DOT1L: variants seen among roughly 807,000 people sequenced by gnomAD.
DOT1L encodes the protein histone-lysine N-methyltransferase, H3 lysine-79 specific.
DOT1L carries 33 observed loss-of-function variants against 153.3 expected under a neutral mutation model. That is an observed-to-expected ratio of 0.22 (90% confidence interval 0.16 to 0.29). The LOEUF is 0.29. Among genes scored for constraint, DOT1L ranks in the 10% least tolerant of loss-of-function variants. DOT1L has a pLI of 1.00. For synonymous variants in DOT1L, 1,135 were observed against 965.1 expected (o/e 1.18, Z -3.26); for missense variants, 1,847 against 2,119.9 (o/e 0.87, Z 2.53).
chr19:2,178,959 A>G lies in DOT1L; in HGVS notation c.82-1754A>G, dbSNP rs559297887. ...TCACAGTACCCTGATCCGAACCAGG[A>G]GGTGGACGGAGCTGTGGCCTCAGTG... On this transcript the variant is annotated intron_variant, in intron 1 of 27. Transcript: ENST00000398665. 6.1e-4 allele frequency among the ~76,000 whole-genome samples: 93 copies of G among 152,286 alleles called. 1 individual carries two copies. The highest frequency in any genetic ancestry group is 2.1e-3 in the African/African-American group (87 of 41,562).
rs117292860 is a variant in DOT1L, at chr19:2,227,622, C to G, written c.4606+495C>G. On this transcript the variant is annotated intron_variant, in intron 27 of 27. Transcript: ENST00000398665. ...CGAGCCGCTGCTTGTGCTTGGTGCC[C>G]GCACACGCCTGGCGGCGCCGTTTCG... The G allele has an allele frequency of 2.6e-6, 3 of 1,146,552 alleles. No homozygotes were observed. In the African/African-American group the frequency reaches 5.1e-5, roughly 19 times the overall value. 71.0% of individuals were successfully genotyped at this position (1,146,552 alleles called of 1,614,324 possible). A position where few individuals can be genotyped will look rare whatever the true frequency, so the allele number is the denominator to read the frequency against.
Position 2,216,959 on chromosome 19 carries a change from G to C in DOT1L, c.2413G>C (p.Glu805Gln), listed in dbSNP as rs2023930075. 1 of 1,611,982 alleles carries C rather than the reference G, an allele frequency of 6.2e-7. No individual in the cohort carries two copies. The highest frequency in any genetic ancestry group is 1.1e-5 in the South Asian group (1 of 90,986). The stretch of plus-strand genomic sequence containing the variant: ...GACTGCAGCTTCTCATTCCAGAGCT[G>C]AGCACACCAAGGAGAACGGCCTTCC... ...PAASELHSRAEHTKENGLPYQ... is the reference protein window; with the variant it reads ...PAASELHSRAQHTKENGLPYQ... The change falls in exon 21 of 28, where the codon GAG becomes CAG. Residue 805 changes from glutamate to glutamine, a missense_variant. Around this residue, in one of 8 missense-constraint regions of DOT1L, gnomAD observed 281 missense variants for 263.6 expected, o/e 1.07. Transcript: ENST00000398665.
rs988864759 is a variant in DOT1L at position 2,226,223 on chromosome 19, G to T, written c.3702G>T (p.Glu1234Asp). The T allele has an allele frequency of 2.0e-6, 3 of 1,536,598 alleles. No individual in the cohort carries two copies. Among genetic ancestry groups the T allele is most frequent in the African/African-American group, 1.4e-5 (1 of 72,310 alleles). ...LAGRKPAPAG[E>D]PVNSSKWKST... Reference sequence around the variant, plus strand: ...GAAGGAAGCCCGCGCCCGCCGGCGAGCCAGTCAATAGCAGCAAGTGGAAGT... The same window carrying T: ...GAAGGAAGCCCGCGCCCGCCGGCGATCCAGTCAATAGCAGCAAGTGGAAGT... The change falls in exon 27 of 28, where the codon GAG becomes GAT. Residue 1234 changes from glutamate (E) to aspartate (D), a missense_variant. Glu to Asp is a conservative substitution (Grantham distance 45). Transcript: ENST00000398665.
At chr19:2,203,957 C>T (rs1296029230) in intron 9 of DOT1L, among the ~76,000 whole-genome samples, 1 of 152,232 alleles carries the variant, frequency 6.6e-6, no homozygotes, top group African/African-American at 2.4e-5. Context: ...CCCCACCTGT[C>T]CTCTCTAGGG....
At position 2,230,359 on chromosome 19, in the gene DOT1L, G is replaced by T. The variant is rs913162402; in HGVS notation, c.*567G>T. On this transcript the variant is annotated 3_prime_UTR_variant, in exon 28 of 28. Transcript: ENST00000398665. ...TGAGCCCCTTCCTGAGCGCCCTGGC[G>T]CCTGCCCTGAGCTCTTCACCTTTAC... The T allele has an allele frequency of 2.4e-6, 1 of 413,094 alleles. No homozygotes were observed. The highest frequency in any genetic ancestry group is 4.2e-6 in the Non-Finnish European group (1 of 235,460). The allele number at this position is 413,094 out of a possible 1,614,324, so 25.6% of individuals were successfully genotyped here. A position where few individuals can be genotyped will look rare whatever the true frequency, so the allele number is the denominator to read the frequency against.
At chr19:2,180,142 G>A (rs538276806) in intron 1 of DOT1L, among the ~76,000 whole-genome samples, 2 of 152,296 alleles carry the variant, frequency 1.3e-5, no homozygotes, top group East Asian at 1.9e-4. Flanking sequence ...TGGCGAGGCC[G>A]CCCACGTGGG....
chr19:2,173,462 A>G (rs1216014509), intron 1 of DOT1L, among the ~76,000 whole-genome samples: 1 of 152,200 alleles, frequency 6.6e-6, no homozygotes, highest in African/African-American at 2.4e-5. Flanking sequence ...GCTTCCTTAC[A>G]CAGCGGGCCT....
intron 27 of DOT1L, chr19:2,227,368 C>T: frequency 1.4e-6 from 1 of 720,568 alleles, no homozygotes; most frequent in East Asian, 2.7e-5. Context: ...TTCAGAAGGC[C>T]ACCGTGCGCA....
At position 2,178,379 on chromosome 19, in the gene DOT1L, A is replaced by C. The variant is rs924652163; in HGVS notation, c.82-2334A>C. Among the ~76,000 whole-genome samples the C allele has an allele frequency of 8.6e-5, 13 of 150,814 alleles. No individual in the cohort carries two copies. In the South Asian group the frequency reaches 2.5e-3, roughly 29 times the overall value. ...CCTTGTCTCTACCAGAAAAAAAAAA[A>C]AAACAAAAAATCTCCAAAACACACT... On this transcript the variant is annotated intron_variant, in intron 1 of 27. Coordinates refer to ENST00000398665, the MANE Select transcript of DOT1L (RefSeq NM_032482.3).
intron 3 of DOT1L, among the ~76,000 whole-genome samples, chr19:2,188,814 G>A (rs1394277147): frequency 1.3e-5 from 2 of 152,354 alleles, no homozygotes; most frequent in Middle Eastern, 3.4e-3. Context: ...AGACTGGACA[G>A]ACTAGGCCAG....
chr19:2,211,254 G>A (rs1290866054), intron 15 of DOT1L, 42 bp downstream of exon 15: 14 of 1,533,764 alleles, frequency 9.1e-6, no homozygotes, highest in Non-Finnish European at 1.2e-5. Flanking sequence ...TCTGGGCTTG[G>A]GGTCATCCCA....
At chr19:2,200,707 A>ACATTCCTCGTCCTCCCCG (rs1182290556) in intron 8 of DOT1L, among the ~76,000 whole-genome samples, 4 of 144,208 alleles carry the variant, frequency 2.8e-5, no homozygotes, top group African/African-American at 7.8e-5. Flanking sequence ...CGTCCTCCCC[A>ACATTCCTCGTCCTCCCCG]CATTCCTCGT....
chr19:2,170,772 A>T (rs1007140803), intron 1 of DOT1L, among the ~76,000 whole-genome samples: 1 of 152,066 alleles, frequency 6.6e-6, no homozygotes, highest in Admixed American at 6.6e-5. Flanking sequence ...CCTTTGGTTA[A>T]TGATAAAGGA....
chr19:2,179,074 G>A (rs900851876), intron 1 of DOT1L, among the ~76,000 whole-genome samples: 1 of 147,440 alleles, frequency 6.8e-6, no homozygotes, highest in Admixed American at 6.7e-5. Flanking sequence ...AAGGAAAGCT[G>A]GGGGGGGGTC....
rs560598057 is a variant in DOT1L, at chr19:2,201,103, G to T, written c.707+1164G>T. 1.8e-3 allele frequency among the ~76,000 whole-genome samples: 178 copies of T among 97,442 alleles called. 1 individual carries two copies. Among genetic ancestry groups the T allele is most frequent in the Middle Eastern group, 8.1e-3 (1 of 124 alleles). The allele number at this position is 97,442 out of a possible 152,430, so 63.9% of individuals were successfully genotyped here. A position where few individuals can be genotyped will look rare whatever the true frequency, so the allele number is the denominator to read the frequency against. ...CGTCCCCTCATTCCTCGTCCTCCCCGCATTCCTCGTCCTCCCCGCATTCCT... is the reference window on the plus strand; with the variant it reads ...CGTCCCCTCATTCCTCGTCCTCCCCTCATTCCTCGTCCTCCCCGCATTCCT... On this transcript the variant is annotated intron_variant, in intron 8 of 27. Coordinates refer to ENST00000398665, the MANE Select transcript of DOT1L (RefSeq NM_032482.3).
chr19:2,219,957 C>T (rs373648368), intron 22 of DOT1L, 151 bp from the exon 23 acceptor site: 2 of 655,120 alleles, frequency 3.1e-6, no homozygotes, highest in African/African-American at 1.8e-5. Flanking sequence ...CGCTCAAGTT[C>T]CCCCGCTGCC....
At chr19:2,202,486 C>T (rs2023332851) in intron 8 of DOT1L, among the ~76,000 whole-genome samples, 3 of 152,220 alleles carry the variant, frequency 2.0e-5, no homozygotes, top group Non-Finnish European at 2.9e-5. Flanking sequence ...AATCCTGCCC[C>T]CTCTGTTTTT....
Position 2,204,712 on chromosome 19 carries a change from C to A in DOT1L, c.787+1933C>A, listed in dbSNP as rs974003666. 6.6e-6 allele frequency among the ~76,000 whole-genome samples: 1 copy of A among 152,164 alleles called. No individual in the cohort carries two copies. The highest frequency in any genetic ancestry group is 1.5e-5 in the Non-Finnish European group (1 of 68,034). On this transcript the variant is annotated intron_variant, in intron 9 of 27. Transcript: ENST00000398665. The surrounding 1 kb of genome is among the most constrained non-coding windows in gnomAD (Gnocchi z 5.7). ...TGGCCAGTAGTGCTGATTCTAGGGG[C>A]CTTGATGGTCCCAGACATGCCCATG... is the stretch of plus-strand genomic sequence containing the variant.
chr19:2,196,863 G>A lies in DOT1L; in HGVS notation c.651+2286G>A, dbSNP rs926587677. Among the ~76,000 whole-genome samples the A allele has an allele frequency of 8.5e-5, 13 of 152,222 alleles. No individual in the cohort carries two copies. In the East Asian group the frequency reaches 1.3e-3, roughly 16 times the overall value. ...AGCACGGTGTTAGCGGCGGGCTCGT[G>A]TGGATGCTCTCCCTCGGGTGGAGGA... On this transcript the variant is annotated intron_variant, in intron 7 of 27. Transcript: ENST00000398665.
Sources: gnomAD v4.1 joint callset for allele counts (sites outside exome capture counted in the v4.1 genomes callset) on GRCh38, gnomAD v4.1.1 for gene constraint, gnomAD v4.1.1 regional missense constraint, Gnocchi (gnomAD v3.1) non-coding constraint, MANE v1.5 for transcripts, NCBI Gene and HGNC (gene_info 2026-07-23, HGNC 2026-07-21) for gene names.